TGFBR3: variants seen among roughly 807,000 people sequenced by gnomAD.
The protein encoded by TGFBR3 is transforming growth factor beta receptor type 3.
Under a neutral mutation model 87.9 loss-of-function variants are expected in TGFBR3, and 46 were observed. The observed-to-expected ratio is 0.52, with a 90% CI of 0.41 to 0.67. The LOEUF is 0.67. Ranked by LOEUF, TGFBR3 falls within the 30% of genes least tolerant of loss-of-function variation. TGFBR3 has a pLI of 0.00. For missense variants in TGFBR3, 866 were observed against 1,041.9 expected (o/e 0.83, Z 2.32); for synonymous variants, 381 against 391.6 (o/e 0.97, Z 0.32).
chr1:91,807,174 A>C (rs1276428801), intron 2 of TGFBR3, among the ~76,000 whole-genome samples: 1 of 152,000 alleles, frequency 6.6e-6, no homozygotes, highest in African/African-American at 2.4e-5. Context: ...CCACCATTAA[A>C]CTCCAAAGAG....
chr1:91,683,805 GT>G lies in TGFBR3; in HGVS notation c.2489del (p.Asn830ThrfsTer49). The G allele has an allele frequency of 6.2e-7, 1 of 1,609,356 alleles. No individual in the cohort carries two copies. Among genetic ancestry groups the G allele is most frequent in the South Asian group, 1.1e-5 (1 of 89,824 alleles). On this transcript the variant is annotated frameshift_variant, in exon 17 of 17. Coordinates refer to ENST00000212355, the MANE Select transcript of TGFBR3 (RefSeq NM_003243.5). LOFTEE classifies it high-confidence loss of function. ...QVPTSPPASE[N>X]SSAAHSIGST... is the part of the protein sequence containing the mutation. Reference sequence around the variant, plus strand: ...TGCCGATGCTGTGGGCAGCACTGCTGTTTTCCGAGGCTGGCGGGGAGGTGGG... The same window carrying G: ...TGCCGATGCTGTGGGCAGCACTGCTGTTTCCGAGGCTGGCGGGGAGGTGGG...
upstream of TGFBR3, among the ~76,000 whole-genome samples, chr1:91,889,722 T>C (rs923168822): frequency 2.6e-5 from 4 of 152,116 alleles, no homozygotes; most frequent in African/African-American, 4.8e-5. Context: ...TTGCCCAGAC[T>C]AGAGTGCAGC....
In TGFBR3 at chr1:91,855,907, CTCTT is replaced by C. The variant is rs531921157; in HGVS notation, c.61+5560_61+5563del. 5.8e-3 allele frequency among the ~76,000 whole-genome samples: 878 copies of C among 151,194 alleles called. 6 individuals are homozygous for C. Among genetic ancestry groups the C allele is most frequent in the African/African-American group, 0.019 (777 of 41,058 alleles). ...AATAAATCTCTTGTATTTATTCTCT[CTCTT>C]TTTTTTTTAACCCAAGTAAATCACC... is the stretch of plus-strand genomic sequence containing the variant. On this transcript the variant is annotated intron_variant, in intron 2 of 16. Coordinates refer to ENST00000212355, the MANE Select transcript of TGFBR3 (RefSeq NM_003243.5).
At position 91,849,007 on chromosome 1, in the gene TGFBR3, C is replaced by T. The variant is rs555641798; in HGVS notation, c.61+12464G>A. On this transcript the variant is annotated intron_variant, in intron 2 of 16. Transcript: ENST00000212355. ...CAGTATTCCACTGATGTGAGAAATA[C>T]ATCTTTATCCACTTTCCTCCTCAAA... 4.9e-3 allele frequency among the ~76,000 whole-genome samples: 740 copies of T among 152,282 alleles called. 4 individuals are homozygous for T. The highest frequency in any genetic ancestry group is 7.1e-3 in the Non-Finnish European group (482 of 68,030).
chr1:91,843,804 C>G (rs1406690351), intron 2 of TGFBR3, among the ~76,000 whole-genome samples: 1 of 152,166 alleles, frequency 6.6e-6, no homozygotes, highest in Non-Finnish European at 1.5e-5. Context: ...TTTCATATGT[C>G]TCTGTCAAGA....
At chr1:91,847,064 A>T (rs1364609664) in intron 2 of TGFBR3, among the ~76,000 whole-genome samples, 1 of 152,230 alleles carries the variant, frequency 6.6e-6, no homozygotes, top group Non-Finnish European at 1.5e-5. Context: ...CTCTCCAAAA[A>T]CAGTGATGAG....
chr1:91,777,768 G>A (rs1307490502), intron 3 of TGFBR3, among the ~76,000 whole-genome samples: 1 of 152,186 alleles, frequency 6.6e-6, no homozygotes, highest in African/African-American at 2.4e-5. Context: ...TGTTACAGGT[G>A]TTGCTCTTTG....
chr1:91,716,967 T>C (rs1004060678), intron 10 of TGFBR3, among the ~76,000 whole-genome samples: 1 of 152,240 alleles, frequency 6.6e-6, no homozygotes, highest in Non-Finnish European at 1.5e-5. Context: ...AATATTTATG[T>C]TGTAACCATA....
chr1:91,803,756 C>T (rs1557719563), intron 2 of TGFBR3, among the ~76,000 whole-genome samples: 1 of 151,954 alleles, frequency 6.6e-6, no homozygotes, highest in South Asian at 2.1e-4. Flanking sequence ...CTTCCCACCA[C>T]CATGGCCTGA....
chr1:91,737,389 G>C (rs1029074469), intron 4 of TGFBR3, among the ~76,000 whole-genome samples: 1 of 152,136 alleles, frequency 6.6e-6, no homozygotes, highest in Non-Finnish European at 1.5e-5. Flanking sequence ...CTGATTTGCG[G>C]AACTGTGAGG....
chr1:91,734,308 A>G (rs1672880321), intron 5 of TGFBR3, among the ~76,000 whole-genome samples: 1 of 152,098 alleles, frequency 6.6e-6, no homozygotes. Context: ...TTCCTTTGCT[A>G]TTGTCCAAAA....
chr1:91,867,547 A>G (rs1678433748), intron 1 of TGFBR3, among the ~76,000 whole-genome samples: 1 of 152,228 alleles, frequency 6.6e-6, no homozygotes, highest in African/African-American at 2.4e-5. Context: ...AATACAGGAA[A>G]AAGGGAGGGT....
chr1:91,856,051 G>A (rs1277282615), intron 2 of TGFBR3, among the ~76,000 whole-genome samples: 1 of 151,930 alleles, frequency 6.6e-6, no homozygotes, highest in African/African-American at 2.4e-5. Flanking sequence ...AACGAGGGAG[G>A]GGAGGGAAAG....
Position 91,885,956 on chromosome 1 carries a change from T to TCGGCGGCGGCGAGCTC in TGFBR3, c.-208_-193dup, listed in dbSNP as rs756657718. 7.8e-5 allele frequency: 35 copies of TCGGCGGCGGCGAGCTC among 451,120 alleles called. No individual in the cohort carries two copies. The highest frequency in any genetic ancestry group is 1.4e-3 in the Middle Eastern group (2 of 1,430). The allele number at this position is 451,120 out of a possible 1,614,324, so 27.9% of individuals were successfully genotyped here. The stretch of plus-strand genomic sequence containing the variant: ...GGCGGCAAGTTTCCCCGCCCAGCGC[T>TCGGCGGCGGCGAGCTC]CGGCGGCGGCGAGCTCCGGCAGCTG... On this transcript the variant is annotated 5_prime_UTR_variant, in exon 1 of 17. Coordinates refer to ENST00000212355, the MANE Select transcript of TGFBR3 (RefSeq NM_003243.5).
upstream of TGFBR3, chr1:91,886,425 G>A (rs1679320732): frequency 6.1e-6 from 2 of 326,970 alleles, no homozygotes; most frequent in East Asian, 1.9e-4. Context: ...GAAGGGGCTA[G>A]GGGCGCGGCC....
At position 91,841,137 on chromosome 1, in the gene TGFBR3, GC is replaced by G. The variant is rs572962800; in HGVS notation, c.61+20333del. ...ACTTTGTTCATTTTCAAAAATGTCT[GC>G]CAAATACTGAAGTCTGGATAACCAT... On this transcript the variant is annotated intron_variant, in intron 2 of 16. Transcript: ENST00000212355. Among the ~76,000 whole-genome samples, 636 of 152,228 alleles carry G rather than the reference GC, an allele frequency of 4.2e-3. 3 individuals carry two copies. The highest frequency in any genetic ancestry group is 7.5e-3 in the Non-Finnish European group (507 of 68,026).
At chr1:91,831,791 A>T (rs1676864171) in intron 2 of TGFBR3, among the ~76,000 whole-genome samples, 1 of 152,042 alleles carries the variant, frequency 6.6e-6, no homozygotes, top group South Asian at 2.1e-4. Flanking sequence ...AACACGTAAC[A>T]ATTAATTACC....
At chr1:91,767,925 T>C (rs1213552293) in intron 3 of TGFBR3, among the ~76,000 whole-genome samples, 1 of 151,188 alleles carries the variant, frequency 6.6e-6, no homozygotes, top group Non-Finnish European at 1.5e-5. Context: ...AAGATGACTT[T>C]GTGTTGGCCG....
At chr1:91,693,855 T>A (rs559117466) in intron 16 of TGFBR3, among the ~76,000 whole-genome samples, 24 of 152,326 alleles carry the variant, frequency 1.6e-4, no homozygotes, top group African/African-American at 5.8e-4. Context: ...GATCTGAACA[T>A]GTCGGTATTC....
Sources: allele counts gnomAD v4.1 joint callset (sites outside exome capture counted in the v4.1 genomes callset), GRCh38; gene constraint gnomAD v4.1.1; transcripts MANE v1.5; gene names NCBI Gene and HGNC (gene_info 2026-07-23, HGNC 2026-07-21).